Variants in LYPD8 observed in about 807,000 individuals in gnomAD.
LYPD8 encodes the protein ly6/PLAUR domain-containing protein 8.
LYPD8 carries 8 observed loss-of-function variants against 1.7 expected under a neutral mutation model. The observed-to-expected ratio is 4.58, with a 90% confidence interval of 2.69 to 8.27. The LOEUF (loss-of-function observed/expected upper bound fraction) is 8.27, where lower values mean the gene tolerates loss of function less well. Ranked by LOEUF, LYPD8 falls within the 30% of genes most tolerant of loss-of-function variation. The pLI, the probability that LYPD8 is intolerant of heterozygous loss-of-function variation, is 0.00. For missense variants in LYPD8, 112 were observed against 102.3 expected, an observed-to-expected ratio of 1.09 and a Z score of -0.41; for synonymous variants, 50 against 43.6, an observed-to-expected ratio of 1.15 and a Z score of -0.58.
Position 248,745,154 on chromosome 1 carries a change from C to T in LYPD8, c.463G>A (p.Glu155Lys), listed in dbSNP as rs1286548606. The T allele has an allele frequency of 5.0e-6, 2 of 398,466 alleles. No individual in the cohort carries two copies. Among genetic ancestry groups the T allele is most frequent in the African/African-American group, 4.1e-5 (2 of 48,620 alleles). 24.7% of individuals were successfully genotyped at this position (398,466 alleles called of 1,614,324 possible). ...EEEQCVFLVAELKNDIESKSL... is the reference protein window; with the variant it reads ...EEEQCVFLVAKLKNDIESKSL... ...CTCCAAGACTTACCATTCTTAAGTT[C>T]TGCAACTAGAAAGACACACTGTTCT... The change falls in exon 6 of 7, where the codon GAA becomes AAA. Residue 155 changes from glutamate (E) to lysine (K), a missense_variant. Coordinates refer to ENST00000590317, the MANE Select transcript of LYPD8 (RefSeq NM_001085474.2).
rs943339794 is a variant in LYPD8 at position 248,748,893 on chromosome 1, G to A, written c.173-440C>T. Among the ~76,000 whole-genome samples, 4 of 152,072 alleles carry A rather than the reference G, an allele frequency of 2.6e-5. No homozygotes were observed. The East Asian group carries it at 7.7e-4, about 29-fold the overall frequency. On this transcript the variant is annotated intron_variant, in intron 4 of 6. Transcript: ENST00000590317. ...AATATGGTAGCCACTAGCTATTTGT[G>A]CCTATTTAAATTTAAATTTTATTAA...
chr1:248,753,401 TCACA>T (rs1208060259), intron 2 of LYPD8, among the ~76,000 whole-genome samples: 1 of 29,132 alleles, frequency 3.4e-5, no homozygotes, highest in Admixed American at 4.4e-4. Context: ...CACATACACA[TCACA>T]CACACACCAC....
At chr1:248,752,783 AC>A (rs1572156292) in intron 2 of LYPD8, among the ~76,000 whole-genome samples, 17 of 89,816 alleles carry the variant, frequency 1.9e-4, no homozygotes, top group East Asian at 3.9e-4. Context: ...CACAACACAC[AC>A]CACACACACA....
chr1:248,742,918 G>T (rs1662639822), intron 6 of LYPD8, among the ~76,000 whole-genome samples: 1 of 129,486 alleles, frequency 7.7e-6, no homozygotes, highest in Non-Finnish European at 1.6e-5. Flanking sequence ...TTGGCAGCGG[G>T]GGAGATTATG....
intron 5 of LYPD8, among the ~76,000 whole-genome samples, chr1:248,745,793 G>A (rs1662719165): frequency 1.3e-5 from 2 of 152,194 alleles, no homozygotes; most frequent in Admixed American, 1.3e-4. Context: ...GAGAGCTTTG[G>A]TCTAGATCAG....
chr1:248,744,322 A>T (rs1312369568), intron 6 of LYPD8, among the ~76,000 whole-genome samples: 2 of 152,234 alleles, frequency 1.3e-5, no homozygotes, highest in African/African-American at 4.8e-5. Flanking sequence ...AACAGGTGAA[A>T]AAGGAAGAGC....
intron 5 of LYPD8, among the ~76,000 whole-genome samples, chr1:248,746,373 G>T (rs1342664730): frequency 3.3e-5 from 5 of 152,310 alleles, no homozygotes; most frequent in South Asian, 4.1e-4. Flanking sequence ...AAGAGGGGAG[G>T]CATGGCGGAA....
intron 2 of LYPD8, among the ~76,000 whole-genome samples, chr1:248,753,706 C>CCA (rs1195171426): frequency 1.4e-5 from 2 of 139,888 alleles, no homozygotes; most frequent in East Asian, 2.3e-4. Context: ...ACCACACACC[C>CCA]CACACACACA....
chr1:248,746,348 C>G (rs1266299145), intron 5 of LYPD8, among the ~76,000 whole-genome samples: 1 of 152,228 alleles, frequency 6.6e-6, no homozygotes, highest in African/African-American at 2.4e-5. Flanking sequence ...CTTGCAATGT[C>G]TGTCTTCACT....
chr1:248,753,511 A>G (rs1662868044), intron 2 of LYPD8, among the ~76,000 whole-genome samples: 2 of 117,148 alleles, frequency 1.7e-5, no homozygotes, highest in Non-Finnish European at 1.7e-5. Context: ...AACACAACAC[A>G]CACATCACAC....
chr1:248,739,524 G>A lies in LYPD8; in HGVS notation c.*87C>T, dbSNP rs923315832. On this transcript the variant is annotated 3_prime_UTR_variant, in exon 7 of 7. Coordinates refer to ENST00000590317, the MANE Select transcript of LYPD8 (RefSeq NM_001085474.2). This position sits in a 1 kb window ranked among gnomAD's most constrained non-coding sequence, Gnocchi z 4.3. ...CTGGGCAGTTAAACGGGGCAGAGCA[G>A]GGAAAGAGGGTGTCAGCACCGCAGG... 22 of 1,528,684 alleles carry A rather than the reference G, an allele frequency of 1.4e-5. No individual in the cohort carries two copies. The highest frequency in any genetic ancestry group is 1.9e-5 in the Non-Finnish European group (22 of 1,133,614). 94.7% of individuals were successfully genotyped at this position (1,528,684 alleles called of 1,614,324 possible). A position where few individuals can be genotyped will look rare whatever the true frequency, so the allele number is the denominator to read the frequency against.
At position 248,748,367 on chromosome 1, in the gene LYPD8, C is replaced by T. The variant is rs1300931416; in HGVS notation, c.259G>A (p.Val87Met). ...AAATGAAAGTGTTCTTCAGCAGACA[C>T]GTGGACAGTGAAGGCTGTAATGTGT... is the stretch of plus-strand genomic sequence containing the variant. ...ETHITAFTVH[V>M]SAEEHFHFVS... The change falls in exon 5 of 7, where the codon GTG becomes ATG. Residue 87 changes from valine (V) to methionine (M), a missense_variant. Transcript: ENST00000590317. 2.2e-6 allele frequency: 1 copy of T among 456,056 alleles called. No individual in the cohort carries two copies. Among genetic ancestry groups the T allele is most frequent in the South Asian group, 4.9e-5 (1 of 20,486 alleles). 28.3% of individuals were successfully genotyped at this position (456,056 alleles called of 1,614,324 possible). A position where few individuals can be genotyped will look rare whatever the true frequency, so the allele number is the denominator to read the frequency against.
chr1:248,740,374 A>AC (rs1347966626), intron 6 of LYPD8, among the ~76,000 whole-genome samples: 2 of 152,130 alleles, frequency 1.3e-5, no homozygotes, highest in East Asian at 3.9e-4. Context: ...CATATAAGAG[A>AC]CCACGGCATG....
intron 4 of LYPD8, among the ~76,000 whole-genome samples, chr1:248,748,945 AG>A (rs1343943157): frequency 1.3e-5 from 2 of 152,262 alleles, no homozygotes; most frequent in Non-Finnish European, 2.9e-5. Context: ...TTTAAAATTA[AG>A]CTCCTCAGCC....
chr1:248,751,150 G>T lies in LYPD8; in HGVS notation c.-49-20C>A, dbSNP rs1662795200. 2.5e-6 allele frequency: 1 copy of T among 398,458 alleles called. No individual in the cohort carries two copies. Among genetic ancestry groups the T allele is most frequent in the Non-Finnish European group, 4.4e-6 (1 of 226,060 alleles). The allele number at this position is 398,458 out of a possible 1,614,324, so 24.7% of individuals were successfully genotyped here. A position where few individuals can be genotyped will look rare whatever the true frequency, so the allele number is the denominator to read the frequency against. On this transcript the variant is annotated intron_variant, in intron 2 of 6. Coordinates refer to ENST00000590317, the MANE Select transcript of LYPD8 (RefSeq NM_001085474.2). The stretch of plus-strand genomic sequence containing the variant: ...TCAAGCCTGAAAAGACACAAAGAAG[G>T]CAGCCCCGGGGCCTTGGAGGGCTGC...
chr1:248,749,834 A>G (rs917323769), intron 4 of LYPD8, among the ~76,000 whole-genome samples: 1 of 152,170 alleles, frequency 6.6e-6, no homozygotes, highest in Non-Finnish European at 1.5e-5. Flanking sequence ...AAAATGACCG[A>G]TGACATGTAC....
At position 248,739,894 on chromosome 1, in the gene LYPD8, T is replaced by A. The variant is rs1553283123; in HGVS notation, c.476-45A>T. 1.3e-6 allele frequency: 2 copies of A among 1,548,858 alleles called. No homozygotes were observed. Among genetic ancestry groups the A allele is most frequent in the South Asian group, 1.2e-5 (1 of 83,986 alleles). On this transcript the variant is annotated intron_variant, in intron 6 of 6. Coordinates refer to ENST00000590317, the MANE Select transcript of LYPD8 (RefSeq NM_001085474.2). This position sits in a 1 kb window ranked among gnomAD's most constrained non-coding sequence, Gnocchi z 4.3. ...AGGAGGGACGCCACTCAGTCCTTTG[T>A]CCTTCCACCCACGCCTGCTCTTAGT...
At position 248,751,122 on chromosome 1, in the gene LYPD8, G is replaced by A; in HGVS notation, c.-41C>T. The A allele has an allele frequency of 2.5e-6, 1 of 398,630 alleles. No homozygotes were observed. Among genetic ancestry groups the A allele is most frequent in the Non-Finnish European group, 4.4e-6 (1 of 226,082 alleles). 24.7% of individuals were successfully genotyped at this position (398,630 alleles called of 1,614,324 possible). On this transcript the variant is annotated 5_prime_UTR_variant, in exon 3 of 7. Transcript: ENST00000590317. ...TTCTCCCAAGGATGGGGACCACAGG[G>A]CCTCAAGCCTGAAAAGACACAAAGA... is the stretch of plus-strand genomic sequence containing the variant.
chr1:248,752,936 ACAC>A (rs1225586737), intron 2 of LYPD8, among the ~76,000 whole-genome samples: 1,846 of 103,288 alleles, frequency 0.018, 231 homozygotes, highest in East Asian at 0.056. Flanking sequence ...CATCACACAC[ACAC>A]CACATCACAC....
Sources: allele counts gnomAD v4.1 joint callset (sites outside exome capture counted in the v4.1 genomes callset), GRCh38; gene constraint gnomAD v4.1.1; non-coding constraint Gnocchi (gnomAD v3.1); transcripts MANE v1.5; gene names NCBI Gene and HGNC (gene_info 2026-07-23, HGNC 2026-07-21).